The following GSAP variants were observed in gnomAD, a reference collection of about 807,000 sequenced individuals.
GSAP encodes the protein gamma-secretase-activating protein.
A neutral mutation model predicts 131.7 loss-of-function variants in GSAP; 118 were observed. The observed-to-expected ratio is 0.90, with a 90% CI of 0.77 to 1.04. GSAP has a LOEUF of 1.04. GSAP is among the 50% of genes least tolerant of loss of function. The pLI is 0.00. For missense variants in GSAP, 1,019 were observed against 1,013.2 expected, an observed-to-expected ratio of 1.01 and a Z score of -0.08; for synonymous variants, 381 against 363.4, an observed-to-expected ratio of 1.05 and a Z score of -0.55.
chr7:77,345,594 G>A lies in GSAP; in HGVS notation c.1545+3757C>T, dbSNP rs75688640. On this transcript the variant is annotated intron_variant, in intron 19 of 30. Coordinates refer to ENST00000257626, the MANE Select transcript of GSAP (RefSeq NM_017439.4). ...TTAACTGATGACATTCCACCATTGC[G>A]ACTTGTTTCTGCCCCATCTTAACTG... Among the ~76,000 whole-genome samples, 1,123 of 152,178 alleles carry A rather than the reference G, an allele frequency of 7.4e-3. 17 individuals are homozygous for A. Among genetic ancestry groups the A allele is most frequent in the African/African-American group, 0.024 (1,009 of 41,490 alleles).
intron 14 of GSAP, among the ~76,000 whole-genome samples, chr7:77,358,734 G>A (rs190101418): frequency 3.1e-4 from 47 of 152,258 alleles, no homozygotes; most frequent in African/African-American, 9.9e-4. Context: ...GTTGCATACC[G>A]TTTGGGTGAC....
intron 1 of GSAP, among the ~76,000 whole-genome samples, chr7:77,408,929 G>A (rs993039595): frequency 1.3e-5 from 2 of 151,418 alleles, no homozygotes; most frequent in African/African-American, 4.9e-5. Flanking sequence ...AGCTGGAGGT[G>A]GGAAACATTT....
Position 77,381,363 on chromosome 7 carries a change from GA to G in GSAP, c.527-10del, listed in dbSNP as rs761632310. 1 of 1,414,102 alleles carries G rather than the reference GA, an allele frequency of 7.1e-7. No homozygotes were observed. The highest frequency in any genetic ancestry group is 9.8e-7 in the Non-Finnish European group (1 of 1,023,834). 87.6% of individuals were successfully genotyped at this position (1,414,102 alleles called of 1,614,324 possible). ...ACGAAATTGTTCAATATCTTTAAAAGAAAAACAAAGAAAGATAATTTAACCT... is the reference window on the plus strand; with the variant it reads ...ACGAAATTGTTCAATATCTTTAAAAGAAAACAAAGAAAGATAATTTAACCT... On this transcript the variant is annotated splice_polypyrimidine_tract_variant and intron_variant, in intron 7 of 30. Transcript: ENST00000257626.
intron 19 of GSAP, among the ~76,000 whole-genome samples, chr7:77,341,667 G>A (rs1790917041): frequency 6.6e-6 from 1 of 152,080 alleles, no homozygotes; most frequent in African/African-American, 2.4e-5. Context: ...GACCCAGAAG[G>A]GCCAGAAGGC....
At chr7:77,377,449 T>C in intron 8 of GSAP, 59 bp from the exon 9 acceptor site, 1 of 1,434,276 alleles carries the variant, frequency 7.0e-7, no homozygotes, top group African/African-American at 1.5e-5. Flanking sequence ...AAGGAGAACA[T>C]ATCTGGAATT....
chr7:77,384,627 C>A (rs767741125), intron 6 of GSAP, among the ~76,000 whole-genome samples: 1 of 151,886 alleles, frequency 6.6e-6, no homozygotes, highest in African/African-American at 2.4e-5. Context: ...TGAAGACACA[C>A]CTTGTGCTGG....
At chr7:77,407,208 C>CTT (rs1322364302) in intron 1 of GSAP, among the ~76,000 whole-genome samples, 3 of 152,158 alleles carry the variant, frequency 2.0e-5, no homozygotes, top group Non-Finnish European at 4.4e-5. Context: ...ATTAGCAACC[C>CTT]TTTATTCATT....
At chr7:77,404,877 C>A (rs765462981) in intron 2 of GSAP, among the ~76,000 whole-genome samples, 2 of 152,158 alleles carry the variant, frequency 1.3e-5, no homozygotes, top group African/African-American at 2.4e-5. Flanking sequence ...TCTTTTTATA[C>A]TTCCACTTAT....
At chr7:77,368,374 T>C (rs1224705769) in intron 12 of GSAP, among the ~76,000 whole-genome samples, 1 of 152,172 alleles carries the variant, frequency 6.6e-6, no homozygotes, top group Non-Finnish European at 1.5e-5. Context: ...AGCCCTGGAT[T>C]TTTTTCTTTC....
chr7:77,371,062 C>T (rs1796045789), intron 12 of GSAP, among the ~76,000 whole-genome samples: 1 of 152,106 alleles, frequency 6.6e-6, no homozygotes, highest in African/African-American at 2.4e-5. Context: ...CTTCAAATGC[C>T]AGCTATAGTC....
At chr7:77,353,345 G>C (rs1793174458) in intron 17 of GSAP, among the ~76,000 whole-genome samples, 2 of 151,708 alleles carry the variant, frequency 1.3e-5, no homozygotes, top group Admixed American at 1.3e-4. Context: ...ATAGAATCAA[G>C]ATCCTATCTT....
chr7:77,354,006 G>A (rs925666504), intron 16 of GSAP, among the ~76,000 whole-genome samples: 7 of 152,194 alleles, frequency 4.6e-5, no homozygotes, highest in African/African-American at 1.7e-4. Flanking sequence ...GAGGGCAGCA[G>A]AGCTGGGTGT....
At chr7:77,370,733 T>C (rs1795996306) in intron 12 of GSAP, among the ~76,000 whole-genome samples, 1 of 152,182 alleles carries the variant, frequency 6.6e-6, no homozygotes, top group East Asian at 1.9e-4. Flanking sequence ...CTATGACTTT[T>C]CTCAATTCCC....
At chr7:77,408,015 T>C (rs1456587180) in intron 1 of GSAP, among the ~76,000 whole-genome samples, 2 of 152,234 alleles carry the variant, frequency 1.3e-5, no homozygotes, top group Non-Finnish European at 2.9e-5. Context: ...TTTCAATTCA[T>C]ACACAAGTTT....
chr7:77,346,270 C>CAAAAAGA (rs1791829066), intron 19 of GSAP, among the ~76,000 whole-genome samples: 1 of 40,884 alleles, frequency 2.4e-5, no homozygotes. Flanking sequence ...GACTCCATCT[C>CAAAAAGA]AAAAAAAAAA....
chr7:77,319,703 C>T (rs1353721384), intron 26 of GSAP, among the ~76,000 whole-genome samples: 1 of 152,018 alleles, frequency 6.6e-6, no homozygotes, highest in African/African-American at 2.4e-5. Context: ...TATTACTCAG[C>T]CTTAAAAAAT....
intron 24 of GSAP, among the ~76,000 whole-genome samples, chr7:77,323,336 G>A (rs988753200): frequency 2.0e-5 from 3 of 152,146 alleles, no homozygotes; most frequent in Admixed American, 1.3e-4. Flanking sequence ...TCATCTACAT[G>A]GAGCTGGAAG....
Position 77,397,051 on chromosome 7 carries a change from A to G in GSAP, c.314-16T>C, listed in dbSNP as rs1248963083. The G allele has an allele frequency of 1.5e-5, 23 of 1,561,636 alleles. No individual in the cohort carries two copies. Among genetic ancestry groups the G allele is most frequent in the Non-Finnish European group, 1.9e-5 (22 of 1,139,136 alleles). Reference sequence around the variant, plus strand: ...AAACTTGCAGCTAATGGAAAAAGAAAAAAAATCCATTAGCAATTGATCCAT... The same window carrying G: ...AAACTTGCAGCTAATGGAAAAAGAAGAAAAATCCATTAGCAATTGATCCAT... On this transcript the variant is annotated splice_polypyrimidine_tract_variant and intron_variant, in intron 4 of 30. Transcript: ENST00000257626.
chr7:77,359,337 C>T (rs1000693193), intron 14 of GSAP, among the ~76,000 whole-genome samples: 1 of 152,120 alleles, frequency 6.6e-6, no homozygotes, highest in Non-Finnish European at 1.5e-5. Context: ...ATCAGAATTG[C>T]TGTAGGGAGC....
Sources: allele counts gnomAD v4.1 joint callset (sites outside exome capture counted in the v4.1 genomes callset), GRCh38; gene constraint gnomAD v4.1.1; transcripts MANE v1.5; gene names NCBI Gene and HGNC (gene_info 2026-07-23, HGNC 2026-07-21).